Variants in DGKG observed in about 807,000 individuals in gnomAD.
DGKG encodes diacylglycerol kinase gamma.
Under a neutral mutation model 105.3 loss-of-function variants are expected in DGKG, and 78 were observed. That is an observed-to-expected ratio of 0.74 (90% CI 0.62 to 0.89). The LOEUF (loss-of-function observed/expected upper bound fraction) is 0.89, where lower values mean the gene tolerates loss of function less well. DGKG is among the 40% of genes least tolerant of loss of function. DGKG has a pLI of 0.00. For synonymous variants in DGKG, 346 were observed against 367.1 expected, an observed-to-expected ratio of 0.94 and a Z score of 0.66; for missense variants, 958 against 1,020.1, an observed-to-expected ratio of 0.94 and a Z score of 0.83.
Position 186,147,463 on chromosome 3 carries a change from C to CA in DGKG, c.*2626dup, listed in dbSNP as rs924755042. The CA allele has an allele frequency of 1.0e-6, 1 of 985,262 alleles. No individual in the cohort carries two copies. The highest frequency in any genetic ancestry group is 1.7e-5 in the African/African-American group (1 of 57,224). The allele number at this position is 985,262 out of a possible 1,614,324, so 61.0% of individuals were successfully genotyped here. ...TGAGGGACTCCACCACAAGAAACCA[C>CA]AGTCATAGTGTTTAAAGGATGATTT... On this transcript the variant is annotated 3_prime_UTR_variant, in exon 25 of 25. Transcript: ENST00000265022.
chr3:186,287,945 A>T lies in DGKG; in HGVS notation c.544+765T>A, dbSNP rs545944193. On this transcript the variant is annotated intron_variant, in intron 6 of 24. Transcript: ENST00000265022. Reference sequence around the variant, plus strand: ...TTCCCAAGAGAAGCAAAGACAATACAGATTTTTTAACAAGGTCCTGTCATC... The same window carrying T: ...TTCCCAAGAGAAGCAAAGACAATACTGATTTTTTAACAAGGTCCTGTCATC... Among the ~76,000 whole-genome samples the T allele has an allele frequency of 7.9e-5, 12 of 152,354 alleles. No individual in the cohort carries two copies. The South Asian group carries it at 2.5e-3, about 32-fold the overall frequency.
chr3:186,322,685 C>T (rs1260184497), intron 1 of DGKG, among the ~76,000 whole-genome samples: 5 of 152,110 alleles, frequency 3.3e-5, no homozygotes, highest in Non-Finnish European at 7.4e-5. Context: ...TTTAATGACC[C>T]CCGGCATGCT....
chr3:186,239,092 C>A (rs1328396403), intron 20 of DGKG, among the ~76,000 whole-genome samples: 1 of 152,172 alleles, frequency 6.6e-6, no homozygotes, highest in African/African-American at 2.4e-5. Context: ...GCCCTTGGAT[C>A]CCAGGTTAAG....
intron 20 of DGKG, among the ~76,000 whole-genome samples, chr3:186,228,137 A>G (rs1026743410): frequency 6.6e-6 from 1 of 152,146 alleles, no homozygotes; most frequent in Admixed American, 6.5e-5. Flanking sequence ...CTTTTTTTCA[A>G]TATGGATTTC....
At chr3:186,299,474 C>T (rs1360105573) in intron 3 of DGKG, among the ~76,000 whole-genome samples, 1 of 152,158 alleles carries the variant, frequency 6.6e-6, no homozygotes, top group Non-Finnish European at 1.5e-5. Context: ...CTGTTCTATC[C>T]GTCTCCTTTG....
intron 20 of DGKG, among the ~76,000 whole-genome samples, chr3:186,220,847 CCAT>C (rs994036906): frequency 1.3e-5 from 2 of 152,186 alleles, no homozygotes; most frequent in African/African-American, 4.8e-5. Flanking sequence ...CCCTTCTCTT[CCAT>C]ATAAGACAGT....
chr3:186,338,300 A>C (rs1725928514), intron 1 of DGKG, among the ~76,000 whole-genome samples: 1 of 152,180 alleles, frequency 6.6e-6, no homozygotes. Context: ...ACAATAGGGA[A>C]ATCTAAATAA....
chr3:186,326,975 T>C (rs1725373202), intron 1 of DGKG, among the ~76,000 whole-genome samples: 1 of 152,082 alleles, frequency 6.6e-6, no homozygotes, highest in African/African-American at 2.4e-5. Context: ...CTGAGCAATA[T>C]GGCAAAACCC....
intron 20 of DGKG, among the ~76,000 whole-genome samples, chr3:186,223,067 T>C (rs1273468483): frequency 1.7e-5 from 2 of 119,680 alleles, no homozygotes; most frequent in Non-Finnish European, 3.6e-5. Flanking sequence ...AAAGGCACAG[T>C]AGAACTCCAT....
chr3:186,353,590 TAC>T (rs1160903513), intron 1 of DGKG, among the ~76,000 whole-genome samples: 2,840 of 108,548 alleles, frequency 0.026, 29 homozygotes, highest in Middle Eastern at 0.058. Flanking sequence ...TATATATATA[TAC>T]ACACACACAC....
Position 186,284,552 on chromosome 3 carries a change from C to T in DGKG, c.594+108G>A, listed in dbSNP as rs1252434906. On this transcript the variant is annotated intron_variant, in intron 7 of 24. Coordinates refer to ENST00000265022, the MANE Select transcript of DGKG (RefSeq NM_001346.3). This position sits in a 1 kb window ranked among gnomAD's most constrained non-coding sequence, Gnocchi z 4.0. ...TTCCTCAGCCTGCATCGAGACATTG[C>T]TATTACTACAAAGACGGAACTGAAC... 3.2e-6 allele frequency: 3 copies of T among 946,936 alleles called. No homozygotes were observed. The highest frequency in any genetic ancestry group is 2.3e-4 in the Middle Eastern group (1 of 4,430). 58.7% of individuals were successfully genotyped at this position (946,936 alleles called of 1,614,324 possible). A position where few individuals can be genotyped will look rare whatever the true frequency, so the allele number is the denominator to read the frequency against.
At chr3:186,303,625 A>C (rs1724082128) in intron 3 of DGKG, among the ~76,000 whole-genome samples, 1 of 152,196 alleles carries the variant, frequency 6.6e-6, no homozygotes, top group African/African-American at 2.4e-5. Flanking sequence ...CGTGTGGCAG[A>C]GCTGGGCTTT....
intron 21 of DGKG, among the ~76,000 whole-genome samples, chr3:186,194,109 C>A (rs534007444): frequency 7.2e-5 from 11 of 152,336 alleles, no homozygotes; most frequent in African/African-American, 2.6e-4. Context: ...TCAACTGTGT[C>A]CCCCTTGGGA....
chr3:186,218,960 G>A (rs1383884771), intron 20 of DGKG, among the ~76,000 whole-genome samples: 5 of 151,976 alleles, frequency 3.3e-5, no homozygotes, highest in Non-Finnish European at 2.9e-5. Flanking sequence ...GATTACTAAG[G>A]TAAATAATAA....
chr3:186,267,476 C>A, intron 13 of DGKG: 1 of 525,080 alleles, frequency 1.9e-6, no homozygotes, highest in Non-Finnish European at 3.5e-6. Flanking sequence ...ATCTGCACAA[C>A]AAACTCCCGC....
chr3:186,299,810 T>TTTCTTTC (rs1723802282), intron 3 of DGKG, among the ~76,000 whole-genome samples: 2 of 102,200 alleles, frequency 2.0e-5, no homozygotes, highest in Non-Finnish European at 2.0e-5. Context: ...TCTTTCTTTC[T>TTTCTTTC]TTCTTTCTTT....
At chr3:186,350,587 T>C (rs1048991764) in intron 1 of DGKG, among the ~76,000 whole-genome samples, 2 of 152,208 alleles carry the variant, frequency 1.3e-5, no homozygotes, top group East Asian at 1.9e-4. Flanking sequence ...CTGCTTTCAA[T>C]TTTGGGGAGT....
intron 5 of DGKG, among the ~76,000 whole-genome samples, chr3:186,293,500 T>C (rs1018202133): frequency 6.6e-6 from 1 of 152,222 alleles, no homozygotes; most frequent in Non-Finnish European, 1.5e-5. Context: ...TTCTCCTTGT[T>C]CATCCCAGTT....
chr3:186,257,798 A>G, intron 17 of DGKG, 56 bp downstream of exon 17: 1 of 1,380,992 alleles, frequency 7.2e-7, no homozygotes, highest in Non-Finnish European at 1.0e-6. Flanking sequence ...CCTTCTGCTG[A>G]TTGTAAATAC....
Sources: allele counts gnomAD v4.1 joint callset (sites outside exome capture counted in the v4.1 genomes callset), GRCh38; gene constraint gnomAD v4.1.1; non-coding constraint Gnocchi (gnomAD v3.1); transcripts MANE v1.5; gene names NCBI Gene and HGNC (gene_info 2026-07-23, HGNC 2026-07-21).